ATP9B: variants seen among roughly 807,000 people sequenced by gnomAD.
The protein encoded by ATP9B is ATPase phospholipid transporting 9B.
Under a neutral mutation model 146.1 loss-of-function variants are expected in ATP9B, and 110 were observed. The observed-to-expected ratio is 0.75, with a 90% CI of 0.65 to 0.88. The LOEUF (loss-of-function observed/expected upper bound fraction) is 0.88. ATP9B is among the 40% of genes least tolerant of loss of function. The pLI is 0.00. For synonymous variants in ATP9B, 604 were observed against 569.7 expected (o/e 1.06, Z -0.86); for missense variants, 1,499 against 1,496.4 (o/e 1.00, Z -0.03).
At chr18:79,201,915 G>A (rs917123987) in intron 9 of ATP9B, among the ~76,000 whole-genome samples, 2 of 152,212 alleles carry the variant, frequency 1.3e-5, no homozygotes, top group African/African-American at 4.8e-5. Context: ...GGTGGCTACA[G>A]CTGGAGCACG....
At chr18:79,185,287 A>T (rs2095296940) in intron 8 of ATP9B, among the ~76,000 whole-genome samples, 1 of 152,198 alleles carries the variant, frequency 6.6e-6, no homozygotes, top group South Asian at 2.1e-4. Flanking sequence ...AACTTTGAGT[A>T]ATGCTCTTTG....
chr18:79,169,605 A>G (rs934370519), intron 7 of ATP9B, among the ~76,000 whole-genome samples: 1 of 152,082 alleles, frequency 6.6e-6, no homozygotes, highest in Non-Finnish European at 1.5e-5. Flanking sequence ...TTCTTAACAT[A>G]CCTTTTCTTA....
At chr18:79,134,386 G>A (rs141721982) in intron 5 of ATP9B, among the ~76,000 whole-genome samples, 1 of 152,344 alleles carries the variant, frequency 6.6e-6, no homozygotes, top group African/African-American at 2.4e-5. Flanking sequence ...CCTGTGGGGA[G>A]TGGCGTTACT....
rs1448620371 is a variant in ATP9B at position 79,239,682 on chromosome 18, C to T, written c.1108-13699C>T. 6.6e-6 allele frequency among the ~76,000 whole-genome samples: 1 copy of T among 152,210 alleles called. No homozygotes were observed. The highest frequency in any genetic ancestry group is 1.5e-5 in the Non-Finnish European group (1 of 68,048). ...TGAGGACCAGGGCTTATTTCAGGCA[C>T]TTGACTGCAGTTTCTTTTATCATGT... is the stretch of plus-strand genomic sequence containing the variant. On this transcript the variant is annotated intron_variant, in intron 11 of 29. Coordinates refer to ENST00000426216, the MANE Select transcript of ATP9B (RefSeq NM_198531.5). The surrounding 1 kb of genome is among the most constrained non-coding windows in gnomAD (Gnocchi z 5.1).
chr18:79,328,311 A>G (rs183458830), intron 15 of ATP9B, among the ~76,000 whole-genome samples: 5 of 152,376 alleles, frequency 3.3e-5, no homozygotes, highest in African/African-American at 4.8e-5. Context: ...ACAGACTTTT[A>G]TCAGAAAATA....
In ATP9B at chr18:79,253,050, G is replaced by A. The variant is rs2096045239; in HGVS notation, c.1108-331G>A. On this transcript the variant is annotated intron_variant, in intron 11 of 29. Coordinates refer to ENST00000426216, the MANE Select transcript of ATP9B (RefSeq NM_198531.5). Reference sequence around the variant, plus strand: ...AGAACTCTGTGTTCCCCTGCTGCGCGCCGAGCAAGCTTCCAGTGCCCTTCT... The same window carrying A: ...AGAACTCTGTGTTCCCCTGCTGCGCACCGAGCAAGCTTCCAGTGCCCTTCT... Among the ~76,000 whole-genome samples the A allele has an allele frequency of 2.0e-5, 3 of 152,210 alleles. No individual in the cohort carries two copies. The South Asian group carries it at 6.2e-4, about 31-fold the overall frequency.
In ATP9B at chr18:79,348,457, G is replaced by A. The variant is rs554241559; in HGVS notation, c.2903+261G>A. On this transcript the variant is annotated intron_variant, in intron 25 of 29. Coordinates refer to ENST00000426216, the MANE Select transcript of ATP9B (RefSeq NM_198531.5). ...TTGTGTCAGGAACTGTGTTGGATCT[G>A]AGATTTTTAAAGGGTCCCGTGGCAG... Among the ~76,000 whole-genome samples the A allele has an allele frequency of 3.3e-5, 5 of 152,328 alleles. No homozygotes were observed. In the East Asian group the frequency reaches 9.7e-4, roughly 29 times the overall value.
intron 4 of ATP9B, chr18:79,118,017 C>G (rs1394118131): frequency 2.0e-5 from 3 of 152,156 alleles, no homozygotes; most frequent in Non-Finnish European, 2.9e-5. Context: ...TAAAATTGAT[C>G]CATATCAACA....
At chr18:79,165,149 A>T (rs1250065794) in intron 7 of ATP9B, among the ~76,000 whole-genome samples, 1 of 152,200 alleles carries the variant, frequency 6.6e-6, no homozygotes, top group African/African-American at 2.4e-5. Context: ...GGTAAGTCTT[A>T]TACAGATTAA....
intron 25 of ATP9B, among the ~76,000 whole-genome samples, chr18:79,350,985 G>C (rs1351046793): frequency 6.6e-6 from 1 of 151,986 alleles, no homozygotes; most frequent in Non-Finnish European, 1.5e-5. Context: ...TGACCAGGGT[G>C]GTCTCGAACT....
At chr18:79,350,347 C>T (rs186231693) in intron 25 of ATP9B, among the ~76,000 whole-genome samples, 2 of 152,354 alleles carry the variant, frequency 1.3e-5, no homozygotes, top group African/African-American at 4.8e-5. Flanking sequence ...GTTTTAGGCC[C>T]CTGCCTGCTG....
chr18:79,172,849 G>A (rs550158545), intron 7 of ATP9B, among the ~76,000 whole-genome samples: 2 of 152,360 alleles, frequency 1.3e-5, no homozygotes, highest in Admixed American at 1.3e-4. Context: ...GAACAATTAT[G>A]TACAGCTTTT....
intron 11 of ATP9B, among the ~76,000 whole-genome samples, chr18:79,232,338 G>A (rs2095800526): frequency 6.6e-6 from 1 of 152,228 alleles, no homozygotes; most frequent in South Asian, 2.1e-4. Context: ...TCAGGGCTCA[G>A]TGTGATAAAC....
intron 14 of ATP9B, among the ~76,000 whole-genome samples, chr18:79,304,347 A>C (rs755601240): frequency 2.0e-5 from 3 of 152,218 alleles, no homozygotes; most frequent in Non-Finnish European, 4.4e-5. Context: ...AACAGGAATT[A>C]GAGGTTGAGT....
intron 1 of ATP9B, among the ~76,000 whole-genome samples, chr18:79,093,083 G>T (rs2074480423): frequency 6.6e-6 from 1 of 152,112 alleles, no homozygotes; most frequent in Admixed American, 6.5e-5. Context: ...ACGTTATTAT[G>T]GCTGTGATGT....
intron 13 of ATP9B, among the ~76,000 whole-genome samples, chr18:79,277,898 T>C (rs571178916): frequency 6.6e-6 from 1 of 152,292 alleles, no homozygotes; most frequent in South Asian, 2.1e-4. Flanking sequence ...ACAAAATATG[T>C]TGCAAACAAA....
At chr18:79,206,629 TA>T (rs1405446054) in intron 9 of ATP9B, among the ~76,000 whole-genome samples, 1 of 59,242 alleles carries the variant, frequency 1.7e-5, no homozygotes, top group African/African-American at 4.0e-5. Context: ...ACCTCATAAA[TA>T]AATAAATAAA....
At chr18:79,235,290 A>G (rs1321300241) in intron 11 of ATP9B, among the ~76,000 whole-genome samples, 1 of 152,202 alleles carries the variant, frequency 6.6e-6, no homozygotes, top group African/African-American at 2.4e-5. Context: ...TCTCTTGTAA[A>G]ATAACCTTCC....
chr18:79,343,802 G>A (rs750872317), intron 20 of ATP9B: 25 of 228,008 alleles, frequency 1.1e-4, no homozygotes, highest in Admixed American at 2.7e-4. Flanking sequence ...TCTCAGCAGC[G>A]CTGCTCCCCA....
Sources: gnomAD v4.1 joint callset for allele counts (sites outside exome capture counted in the v4.1 genomes callset) on GRCh38, gnomAD v4.1.1 for gene constraint, Gnocchi (gnomAD v3.1) non-coding constraint, MANE v1.5 for transcripts, NCBI Gene and HGNC (gene_info 2026-07-23, HGNC 2026-07-21) for gene names.